Variants in RBFOX3 observed in about 807,000 individuals in gnomAD.
The protein encoded by RBFOX3 is RNA binding fox-1 homolog 3.
A neutral mutation model predicts 48.7 loss-of-function variants in RBFOX3; 17 were observed. That is an observed-to-expected ratio of 0.35 (90% CI 0.24 to 0.52). The LOEUF (loss-of-function observed/expected upper bound fraction) is 0.52, where lower values mean the gene tolerates loss of function less well. Ranked by LOEUF, RBFOX3 falls within the 20% of genes least tolerant of loss-of-function variation. The probability of loss-of-function intolerance (pLI) is 0.94; values close to 1 mark genes in which losing one functional copy is unlikely to be tolerated. For synonymous variants in RBFOX3, 212 were observed against 209.5 expected (o/e 1.01, Z -0.10); for missense variants, 382 against 497.5 (o/e 0.77, Z 2.21).
chr17:79,626,163 G>A, the RBFOX3 span, among the ~76,000 whole-genome samples: 2 of 152,060 alleles, frequency 1.3e-5, no homozygotes, highest in African/African-American at 4.8e-5. Context: ...GATGCTGGGG[G>A]CAAGGAGATG....
chr17:79,578,210 G>A (rs1291554256), intron 1 of RBFOX3, among the ~76,000 whole-genome samples: 1 of 152,266 alleles, frequency 6.6e-6, no homozygotes, highest in African/African-American at 2.4e-5. Flanking sequence ...GATGCCGGGA[G>A]CAACCACAAA....
intron 3 of RBFOX3, among the ~76,000 whole-genome samples, chr17:79,250,756 T>C (rs900131899): frequency 6.6e-6 from 1 of 152,066 alleles, no homozygotes; most frequent in African/African-American, 2.4e-5. Context: ...TCTTCCTTTC[T>C]TTCCTTTTCT....
chr17:79,548,700 G>A (rs1555792736), intron 1 of RBFOX3, among the ~76,000 whole-genome samples: 3 of 152,240 alleles, frequency 2.0e-5, no homozygotes, highest in African/African-American at 7.2e-5. Flanking sequence ...TCACTAAGTG[G>A]AGAACAGCCT....
intron 3 of RBFOX3, among the ~76,000 whole-genome samples, chr17:79,267,268 G>T (rs928936259): frequency 6.6e-6 from 1 of 152,136 alleles, no homozygotes; most frequent in Non-Finnish European, 1.5e-5. Flanking sequence ...TTGGCGGGTC[G>T]CTGAAACTTT....
chr17:79,389,446 CCAGCTGACAG>C (rs1198974115), intron 2 of RBFOX3, among the ~76,000 whole-genome samples: 109 of 152,354 alleles, frequency 7.2e-4, no homozygotes, highest in Middle Eastern at 3.4e-3. Flanking sequence ...ACTCTACAAG[CCAGCTGACAG>C]CAGCTGACAG....
At chr17:79,260,893 ACACTGGCCTCCT>A (rs1213856449) in intron 3 of RBFOX3, among the ~76,000 whole-genome samples, 1 of 152,088 alleles carries the variant, frequency 6.6e-6, no homozygotes, top group African/African-American at 2.4e-5. Context: ...CACGGGCCGC[ACACTGGCCTCCT>A]CACTGGCCCT....
At position 79,346,417 on chromosome 17, in the gene RBFOX3, A is replaced by G. The variant is rs556653401; in HGVS notation, c.-174-38593T>C. On this transcript the variant is annotated intron_variant, in intron 2 of 14. Coordinates refer to ENST00000693108, the MANE Select transcript of RBFOX3 (RefSeq NM_001350451.2). Reference sequence around the variant, plus strand: ...CTACCTCTAACATAACCAAAGTTACATAAGTTCATGGATCTGTTTCTGGGA... The same window carrying G: ...CTACCTCTAACATAACCAAAGTTACGTAAGTTCATGGATCTGTTTCTGGGA... 3.3e-5 allele frequency among the ~76,000 whole-genome samples: 5 copies of G among 152,346 alleles called. No individual in the cohort carries two copies. In the East Asian group the frequency reaches 5.8e-4, roughly 18 times the overall value.
rs2069326882 is a variant in RBFOX3, at chr17:79,278,030, G to C, written c.-74+29694C>G. ...CTGTGTGATATGAGGAAAAAGCCTG[G>C]AAAGTGTGGCTCACTCTGCAAATGT... On this transcript the variant is annotated intron_variant, in intron 3 of 14. Transcript: ENST00000693108. Among the ~76,000 whole-genome samples the C allele has an allele frequency of 5.9e-5, 9 of 152,354 alleles. No individual in the cohort carries two copies. In the South Asian group the frequency reaches 1.9e-3, roughly 32 times the overall value.
At chr17:79,661,182 T>G in the RBFOX3 span, among the ~76,000 whole-genome samples, 2 of 152,174 alleles carry the variant, frequency 1.3e-5, no homozygotes, top group East Asian at 3.9e-4. Context: ...GGCTTAATAC[T>G]TAGGTGATGG....
intron 1 of RBFOX3, among the ~76,000 whole-genome samples, chr17:79,531,203 T>C (rs1178755779): frequency 6.6e-6 from 1 of 152,156 alleles, no homozygotes; most frequent in Non-Finnish European, 1.5e-5. Flanking sequence ...CACTTCTCAG[T>C]CCCCACAGAC....
chr17:79,350,115 T>A (rs1356901886), intron 2 of RBFOX3, among the ~76,000 whole-genome samples: 1 of 152,162 alleles, frequency 6.6e-6, no homozygotes, highest in Non-Finnish European at 1.5e-5. Context: ...GGCTCAGGCA[T>A]GGGGAGGAGA....
the RBFOX3 span, among the ~76,000 whole-genome samples, chr17:79,630,947 C>T: frequency 1.3e-5 from 2 of 152,128 alleles, no homozygotes; most frequent in Non-Finnish European, 2.9e-5. Flanking sequence ...CGACAGCCCC[C>T]GCCCCACGAG....
intron 9 of RBFOX3, chr17:79,098,754 C>T (rs2075888045): frequency 6.6e-6 from 1 of 152,402 alleles, no homozygotes; most frequent in African/African-American, 2.4e-5. Flanking sequence ...AGCCCCTTAC[C>T]CCTCCTCAGT....
chr17:79,352,454 C>G (rs879393474), intron 2 of RBFOX3, among the ~76,000 whole-genome samples: 5 of 152,176 alleles, frequency 3.3e-5, no homozygotes, highest in Non-Finnish European at 5.9e-5. Flanking sequence ...AATCTCTTTT[C>G]TTTATAAACT....
chr17:79,374,004 G>A (rs889708512), intron 2 of RBFOX3, among the ~76,000 whole-genome samples: 2 of 152,160 alleles, frequency 1.3e-5, no homozygotes, highest in Non-Finnish European at 2.9e-5. Flanking sequence ...GATTACAGGG[G>A]CCCACCTAAT....
chr17:79,475,360 C>G (rs1254034503), intron 2 of RBFOX3, among the ~76,000 whole-genome samples: 1 of 152,104 alleles, frequency 6.6e-6, no homozygotes, highest in African/African-American at 2.4e-5. Flanking sequence ...TGGTTCTTTT[C>G]CAGAGCATCT....
At position 79,590,227 on chromosome 17, in the gene RBFOX3, C is replaced by T. The variant is rs919293486; in HGVS notation, c.-320+20599G>A. ...ACAAGGCCCTGATAGGGGACAGACA[C>T]GCGCCAAGATAGCACGCGGTAAGAG... On this transcript the variant is annotated intron_variant, in intron 1 of 14. Transcript: ENST00000693108. Among the ~76,000 whole-genome samples, 182 of 152,222 alleles carry T rather than the reference C, an allele frequency of 1.2e-3. 3 individuals carry two copies. The South Asian group carries it at 0.019, about 16-fold the overall frequency.
intron 4 of RBFOX3, among the ~76,000 whole-genome samples, chr17:79,225,579 T>C (rs1179899241): frequency 6.6e-6 from 1 of 152,150 alleles, no homozygotes; most frequent in African/African-American, 2.4e-5. Context: ...GCATGAGCCA[T>C]GTGCCCAGCC....
At chr17:79,605,987 G>A (rs2093820335) in intron 1 of RBFOX3, among the ~76,000 whole-genome samples, 1 of 152,210 alleles carries the variant, frequency 6.6e-6, no homozygotes, top group Non-Finnish European at 1.5e-5. Context: ...ACAGAGGAGA[G>A]CACCCCATCC....
Sources: gnomAD v4.1 joint callset for allele counts (sites outside exome capture counted in the v4.1 genomes callset) on GRCh38, gnomAD v4.1.1 for gene constraint, MANE v1.5 for transcripts, NCBI Gene and HGNC (gene_info 2026-07-23, HGNC 2026-07-21) for gene names.